KDM4B: variants seen among roughly 807,000 people sequenced by gnomAD.
KDM4B encodes lysine demethylase 4B, also known as lysine-specific demethylase 4B.
In KDM4B, 32 loss-of-function variants were observed where a neutral mutation model predicts 125.2. That is an observed-to-expected ratio of 0.26 (90% CI 0.19 to 0.34). KDM4B has a LOEUF of 0.34. Among genes scored for constraint, KDM4B ranks in the 10% least tolerant of loss-of-function variants. The pLI, the probability that KDM4B is intolerant of heterozygous loss-of-function variation, is 1.00. For synonymous variants in KDM4B, 721 were observed against 677.9 expected (o/e 1.06, Z -0.99); for missense variants, 1,190 against 1,577.7 (o/e 0.75, Z 4.16).
At chr19:4,969,575 G>C (rs2145256591) in intron 1 of KDM4B, among the ~76,000 whole-genome samples, 1 of 151,736 alleles carries the variant, frequency 6.6e-6, no homozygotes, top group Admixed American at 6.6e-5. Context: ...GACAGCGTGG[G>C]TGGCCCCGGC....
chr19:5,095,890 C>T (rs1453301605), intron 9 of KDM4B, among the ~76,000 whole-genome samples: 2 of 152,230 alleles, frequency 1.3e-5, no homozygotes, highest in Non-Finnish European at 2.9e-5. Context: ...GAATCAGACC[C>T]TGGCAGGGGC....
chr19:5,097,207 A>G (rs1167570902), intron 9 of KDM4B, among the ~76,000 whole-genome samples: 1 of 152,226 alleles, frequency 6.6e-6, no homozygotes, highest in African/African-American at 2.4e-5. Context: ...AAAAGGCTGT[A>G]AAGCCCCACG....
At chr19:5,122,687 C>T (rs550208331) in intron 11 of KDM4B, among the ~76,000 whole-genome samples, 50 of 152,198 alleles carry the variant, frequency 3.3e-4, no homozygotes, top group African/African-American at 1.2e-3. Context: ...CACCCGTCAC[C>T]GACCAAGAGC....
rs1254089856 is a variant in KDM4B, at chr19:5,081,444, C to G, written c.781-923C>G. On this transcript the variant is annotated intron_variant, in intron 8 of 22. Coordinates refer to ENST00000159111, the MANE Select transcript of KDM4B (RefSeq NM_015015.3). The surrounding 1 kb of genome is among the most constrained non-coding windows in gnomAD (Gnocchi z 4.2). ...GGTTCCTAGGGCACAAGGCTGTAGC[C>G]CCCCAGCCCTGGTAGGCAGCCCTGC... Among the ~76,000 whole-genome samples, 1 of 152,080 alleles carries G rather than the reference C, an allele frequency of 6.6e-6. No individual in the cohort carries two copies. Among genetic ancestry groups the G allele is most frequent in the African/African-American group, 2.4e-5 (1 of 41,414 alleles).
intron 10 of KDM4B, 41 bp downstream of exon 10, chr19:5,110,859 C>T (rs1296527739): frequency 5.4e-6 from 8 of 1,487,100 alleles, no homozygotes; most frequent in East Asian, 2.5e-5. Context: ...CCCAGCATCA[C>T]GGGGGGTGGC....
intron 1 of KDM4B, among the ~76,000 whole-genome samples, chr19:4,978,045 G>A (rs977180557): frequency 1.3e-5 from 2 of 152,228 alleles, no homozygotes; most frequent in African/African-American, 4.8e-5. Context: ...CAGTCGGGCC[G>A]CGTGGATCTG....
intron 9 of KDM4B, among the ~76,000 whole-genome samples, chr19:5,087,467 G>A (rs984844018): frequency 5.3e-5 from 8 of 152,230 alleles, no homozygotes; most frequent in African/African-American, 1.9e-4. Context: ...CAACCACAGA[G>A]GTCCCCAGAC....
intron 11 of KDM4B, among the ~76,000 whole-genome samples, chr19:5,125,636 C>T (rs1445112050): frequency 6.6e-6 from 1 of 152,216 alleles, no homozygotes; most frequent in Non-Finnish European, 1.5e-5. Context: ...TGGTGCATCT[C>T]TGAGGCCTGT....
At chr19:5,150,591 C>T (rs2039929453) in intron 22 of KDM4B, 141 bp downstream of exon 22, 2 of 621,836 alleles carry the variant, frequency 3.2e-6, no homozygotes, top group Admixed American at 2.8e-5. Context: ...CCCGGCCGCC[C>T]CAGCACAGCT....
chr19:5,075,248 C>T (rs1026513707), intron 7 of KDM4B: 1 of 152,374 alleles, frequency 6.6e-6, no homozygotes, highest in East Asian at 1.9e-4. Context: ...CTCTTCCTGG[C>T]TTGGGCCCGT....
chr19:5,126,609 G>A (rs1279171977), intron 11 of KDM4B, among the ~76,000 whole-genome samples: 1 of 152,234 alleles, frequency 6.6e-6, no homozygotes, highest in East Asian at 1.9e-4. Context: ...GAGGCCTCGT[G>A]GCTGGTGACT....
At chr19:5,096,576 G>A (rs1363823780) in intron 9 of KDM4B, among the ~76,000 whole-genome samples, 1 of 152,174 alleles carries the variant, frequency 6.6e-6, no homozygotes. Context: ...CTACACTGGA[G>A]TCGCTGGTGA....
intron 9 of KDM4B, among the ~76,000 whole-genome samples, chr19:5,100,192 A>T (rs1421447446): frequency 6.6e-6 from 1 of 152,078 alleles, no homozygotes; most frequent in African/African-American, 2.4e-5. Flanking sequence ...TACGTGTCTG[A>T]TTTTTGTCAC....
At chr19:5,051,270 G>A (rs918738553) in intron 6 of KDM4B, among the ~76,000 whole-genome samples, 4 of 152,274 alleles carry the variant, frequency 2.6e-5, no homozygotes, top group Non-Finnish European at 5.9e-5. Context: ...AGAGAGTGGA[G>A]TGGCCATCCC....
chr19:5,098,014 G>A (rs1470239733), intron 9 of KDM4B, among the ~76,000 whole-genome samples: 3 of 152,308 alleles, frequency 2.0e-5, no homozygotes, highest in South Asian at 4.1e-4. Flanking sequence ...ATGTTTGCCC[G>A]AGCCCCACCA....
chr19:4,983,679 A>G (rs1568205955), intron 1 of KDM4B, among the ~76,000 whole-genome samples: 1 of 152,212 alleles, frequency 6.6e-6, no homozygotes. Flanking sequence ...AGAGAATGGC[A>G]GGAAGTTGGA....
chr19:5,146,294 C>T (rs553831452), intron 21 of KDM4B, among the ~76,000 whole-genome samples: 1 of 152,284 alleles, frequency 6.6e-6, no homozygotes, highest in African/African-American at 2.4e-5. Context: ...CGACCTGTCA[C>T]TGAGCATCCA....
chr19:5,147,516 G>A (rs1773991730), intron 21 of KDM4B, among the ~76,000 whole-genome samples: 1 of 152,114 alleles, frequency 6.6e-6, no homozygotes, highest in African/African-American at 2.4e-5. Flanking sequence ...AGGCTGAGGT[G>A]GGCAGAGCGC....
intron 7 of KDM4B, among the ~76,000 whole-genome samples, chr19:5,072,014 T>C (rs1262045443): frequency 6.6e-6 from 1 of 152,166 alleles, no homozygotes; most frequent in Non-Finnish European, 1.5e-5. Context: ...GAGAGGGCCC[T>C]GTCCGAGCAC....
Sources: gnomAD v4.1 joint callset for allele counts (sites outside exome capture counted in the v4.1 genomes callset) on GRCh38, gnomAD v4.1.1 for gene constraint, Gnocchi (gnomAD v3.1) non-coding constraint, MANE v1.5 for transcripts, NCBI Gene and HGNC (gene_info 2026-07-23, HGNC 2026-07-21) for gene names.